Variants in CCSER1 observed in about 807,000 individuals in gnomAD.
CCSER1 encodes the protein coiled-coil serine rich protein 1.
CCSER1 carries 41 observed loss-of-function variants against 82.0 expected under a neutral mutation model. The observed-to-expected ratio is 0.50, with a 90% CI of 0.39 to 0.65. The LOEUF (loss-of-function observed/expected upper bound fraction) is 0.65, where lower values mean the gene tolerates loss of function less well. Ranked by LOEUF, CCSER1 falls within the 30% of genes least tolerant of loss-of-function variation. The pLI is 0.00. For missense variants in CCSER1, 1,119 were observed against 1,064.2 expected, an observed-to-expected ratio of 1.05 and a Z score of -0.72; for synonymous variants, 414 against 383.9, an observed-to-expected ratio of 1.08 and a Z score of -0.92.
chr4:90,169,135 G>A (rs369914861), intron 1 of CCSER1, among the ~76,000 whole-genome samples: 6 of 151,916 alleles, frequency 3.9e-5, no homozygotes, highest in East Asian at 3.9e-4. Flanking sequence ...ATTTGTTTGT[G>A]TCCTCTTTTA....
chr4:91,211,596 C>T (rs141534659), intron 10 of CCSER1, among the ~76,000 whole-genome samples: 210 of 152,078 alleles, frequency 1.4e-3, no homozygotes, highest in African/African-American at 5.0e-3. Flanking sequence ...TCTGTCAGTA[C>T]GCATGTGGGA....
At chr4:90,724,757 G>T (rs111381651) in intron 7 of CCSER1, 1 of 295,010 alleles carries the variant, frequency 3.4e-6, no homozygotes, top group Non-Finnish European at 6.8e-6. Flanking sequence ...GTTTAAAGAC[G>T]TGCACATTTT....
At position 91,598,843 on chromosome 4, in the gene CCSER1, T is replaced by A; in HGVS notation, c.2489T>A (p.Leu830Gln). The A allele has an allele frequency of 6.4e-7, 1 of 1,551,632 alleles. No homozygotes were observed. The highest frequency in any genetic ancestry group is 8.7e-7 in the Non-Finnish European group (1 of 1,146,928). Residue 830 changes from leucine (L) to glutamine (Q), a missense_variant, in exon 11 of 11, where the codon CTG (leucine) becomes CAG (glutamine). By Grantham distance (113) the Leu-to-Gln change is moderately radical. Transcript: ENST00000509176. Reference sequence around the variant, plus strand: ...CGGGCCACCGTTGGGCAGAGCTCTCTGAAGCCAACAGCTAAGACAGAAGGG... The same window carrying A: ...CGGGCCACCGTTGGGCAGAGCTCTCAGAAGCCAACAGCTAAGACAGAAGGG... Reference protein sequence around the residue: ...NLRATVGQSSLKPTAKTEGLS... With the variant: ...NLRATVGQSSQKPTAKTEGLS...
intron 8 of CCSER1, among the ~76,000 whole-genome samples, chr4:90,827,489 T>C (rs539847887): frequency 6.6e-5 from 10 of 152,166 alleles, no homozygotes; most frequent in Middle Eastern, 3.4e-3. Context: ...ACAGAAAAAT[T>C]TATTTTAGAG....
intron 5 of CCSER1, among the ~76,000 whole-genome samples, chr4:90,520,087 T>C (rs1001923003): frequency 2.0e-5 from 3 of 151,992 alleles, no homozygotes; most frequent in Non-Finnish European, 4.4e-5. Context: ...TTAATAGTAC[T>C]TATAGATTAA....
chr4:90,822,131 A>G (rs1384615652), intron 8 of CCSER1, among the ~76,000 whole-genome samples: 3 of 152,224 alleles, frequency 2.0e-5, no homozygotes, highest in Non-Finnish European at 4.4e-5. Context: ...ATGAAAACAT[A>G]ATAAATTTAG....
At chr4:90,658,223 C>A (rs1049129186) in intron 6 of CCSER1, among the ~76,000 whole-genome samples, 3 of 152,112 alleles carry the variant, frequency 2.0e-5, no homozygotes, top group African/African-American at 7.2e-5. Context: ...TCCTTGTACA[C>A]CTGATAATGT....
chr4:91,509,722 C>A (rs1011773402), intron 10 of CCSER1, among the ~76,000 whole-genome samples: 1 of 151,876 alleles, frequency 6.6e-6, no homozygotes, highest in East Asian at 1.9e-4. Context: ...GTTTTTTTGT[C>A]TAATATTAAC....
At chr4:91,303,234 T>A (rs1242071160) in intron 10 of CCSER1, among the ~76,000 whole-genome samples, 2 of 152,008 alleles carry the variant, frequency 1.3e-5, no homozygotes, top group Non-Finnish European at 2.9e-5. Context: ...AGCAGTCTTA[T>A]GAAGTTAAAT....
intron 5 of CCSER1, among the ~76,000 whole-genome samples, chr4:90,574,163 A>T (rs1043091453): frequency 5.9e-5 from 9 of 151,380 alleles, no homozygotes; most frequent in South Asian, 2.1e-4. Flanking sequence ...GTTTTTTTTT[A>T]AATGAACCTT....
At chr4:90,986,553 A>T (rs2150435595) in intron 9 of CCSER1, among the ~76,000 whole-genome samples, 1 of 151,886 alleles carries the variant, frequency 6.6e-6, no homozygotes, top group South Asian at 2.1e-4. Flanking sequence ...AAGCTGGCCA[A>T]GCCAAGTGAA....
chr4:91,336,140 C>T (rs888082437), intron 10 of CCSER1, among the ~76,000 whole-genome samples: 3 of 152,034 alleles, frequency 2.0e-5, no homozygotes, highest in Non-Finnish European at 2.9e-5. Flanking sequence ...TGTCTATGCA[C>T]ATTCATTAAC....
At chr4:91,002,723 C>T (rs780183990) in intron 9 of CCSER1, among the ~76,000 whole-genome samples, 37 of 152,094 alleles carry the variant, frequency 2.4e-4, no homozygotes, top group Non-Finnish European at 5.1e-4. Context: ...AACTTAGTAA[C>T]TGATCTTCTG....
chr4:90,864,671 T>A lies in CCSER1; in HGVS notation c.2094+48826T>A, dbSNP rs146802315. 2.0e-5 allele frequency among the ~76,000 whole-genome samples: 3 copies of A among 152,100 alleles called. No homozygotes were observed. The East Asian group carries it at 5.8e-4, about 30-fold the overall frequency. On this transcript the variant is annotated intron_variant, in intron 8 of 10. Transcript: ENST00000509176. The stretch of plus-strand genomic sequence containing the variant: ...GCACAAAACAGAGTAAAACTGATTC[T>A]CAGTGAAAAATAGATCTATAGATGC...
intron 1 of CCSER1, among the ~76,000 whole-genome samples, chr4:90,206,660 T>G (rs1738894057): frequency 6.6e-6 from 1 of 152,052 alleles, no homozygotes; most frequent in South Asian, 2.1e-4. Context: ...CTGAGAAGAA[T>G]GTATATTCTG....
intron 5 of CCSER1, among the ~76,000 whole-genome samples, chr4:90,510,216 A>G (rs1771296085): frequency 6.6e-6 from 1 of 152,160 alleles, no homozygotes; most frequent in Non-Finnish European, 1.5e-5. Flanking sequence ...GCATTTTAAA[A>G]CTCTATTCTT....
At chr4:90,590,043 G>A (rs758163253) in intron 5 of CCSER1, among the ~76,000 whole-genome samples, 19 of 152,146 alleles carry the variant, frequency 1.2e-4, no homozygotes, top group Non-Finnish European at 2.4e-4. Flanking sequence ...GGAGGCTGAG[G>A]TTGGTGGATC....
intron 9 of CCSER1, among the ~76,000 whole-genome samples, chr4:91,073,123 A>G (rs963066148): frequency 6.6e-6 from 1 of 152,140 alleles, no homozygotes; most frequent in Non-Finnish European, 1.5e-5. Context: ...ATAGACATTC[A>G]AAGATTAATA....
chr4:90,207,962 G>C (rs1739220937), intron 1 of CCSER1, among the ~76,000 whole-genome samples: 1 of 152,196 alleles, frequency 6.6e-6, no homozygotes, highest in African/African-American at 2.4e-5. Flanking sequence ...CTCCCAGTCA[G>C]GGGGAATGGG....
Sources: allele counts gnomAD v4.1 joint callset (sites outside exome capture counted in the v4.1 genomes callset), GRCh38; gene constraint gnomAD v4.1.1; transcripts MANE v1.5; gene names NCBI Gene and HGNC (gene_info 2026-07-23, HGNC 2026-07-21).